Variants in CACNA1C observed in about 807,000 individuals in gnomAD.
The protein encoded by CACNA1C is voltage-dependent L-type calcium channel subunit alpha-1C.
A neutral mutation model predicts 229.0 loss-of-function variants in CACNA1C; 30 were observed. That is an observed-to-expected ratio of 0.13 (90% CI 0.10 to 0.18). CACNA1C has a LOEUF of 0.18. Ranked by LOEUF, CACNA1C falls within the 10% of genes least tolerant of loss-of-function variation. The pLI, the probability that CACNA1C is intolerant of heterozygous loss-of-function variation, is 1.00. For missense variants in CACNA1C, 1,658 were observed against 2,845.0 expected (o/e 0.58, Z 9.49); for synonymous variants, 1,114 against 1,132.5 (o/e 0.98, Z 0.33).
At chr12:2,621,822 G>C (rs1193076231) in intron 29 of CACNA1C, among the ~76,000 whole-genome samples, 1 of 152,192 alleles carries the variant, frequency 6.6e-6, no homozygotes, top group Non-Finnish European at 1.5e-5. Context: ...GAAGAAACCA[G>C]TTTAAAGTGA....
intron 1 of CACNA1C, among the ~76,000 whole-genome samples, chr12:2,074,830 T>G (rs2062614957): frequency 1.3e-5 from 2 of 152,236 alleles, no homozygotes; most frequent in African/African-American, 4.8e-5. Flanking sequence ...CTCCCCATCT[T>G]CTGGCACCTG....
intron 3 of CACNA1C, among the ~76,000 whole-genome samples, chr12:2,356,306 C>T (rs2097360815): frequency 1.3e-5 from 2 of 152,340 alleles, no homozygotes; most frequent in South Asian, 2.1e-4. Flanking sequence ...ACTCTCTGAC[C>T]TTCTTGTCTC....
intron 5 of CACNA1C, among the ~76,000 whole-genome samples, chr12:2,475,383 T>G (rs1265100110): frequency 6.6e-6 from 1 of 151,826 alleles, no homozygotes; most frequent in Non-Finnish European, 1.5e-5. Context: ...GTAACCTGAG[T>G]GAAAACGGGG....
intron 3 of CACNA1C, among the ~76,000 whole-genome samples, chr12:2,253,784 C>G (rs1400970765): frequency 6.6e-6 from 1 of 152,224 alleles, no homozygotes; most frequent in African/African-American, 2.4e-5. Flanking sequence ...TTCTGATGTC[C>G]AAAGTATGCC....
intron 1 of CACNA1C, among the ~76,000 whole-genome samples, chr12:2,001,244 T>A (rs537731423): frequency 9.2e-5 from 14 of 152,190 alleles, no homozygotes; most frequent in African/African-American, 3.4e-4. Context: ...CTGAGCAAAG[T>A]CCAGGGTTAG....
At position 2,135,945 on chromosome 12, in the gene CACNA1C, T is replaced by C. The variant is rs1171031304; in HGVS notation, c.477+15515T>C. Among the ~76,000 whole-genome samples, 34 of 149,598 alleles carry C rather than the reference T, an allele frequency of 2.3e-4. 1 individual carries two copies. The highest frequency in any genetic ancestry group is 3.4e-3 in the Middle Eastern group (1 of 294). Reference sequence around the variant, plus strand: ...GCAGTTTGATCTCAGACTGCTGTGCTAGCAATCAGCGAGACTCCGTGGGCG... The same window carrying C: ...GCAGTTTGATCTCAGACTGCTGTGCCAGCAATCAGCGAGACTCCGTGGGCG... On this transcript the variant is annotated intron_variant, in intron 3 of 46. Transcript: ENST00000399655.
intron 1 of CACNA1C, among the ~76,000 whole-genome samples, chr12:2,084,523 G>A (rs899615280): frequency 5.9e-5 from 9 of 152,032 alleles, no homozygotes; most frequent in African/African-American, 1.7e-4. Context: ...CTTTACCCAC[G>A]TTCTCCCGTG....
rs545277105 is a variant in CACNA1C at position 2,402,359 on chromosome 12, A to T, written c.478-46617A>T. On this transcript the variant is annotated intron_variant, in intron 3 of 46. Transcript: ENST00000399655. ...GACTCTGCTGGATAGTGCAATTGGA[A>T]GGGACACCTCCGTGTGCTTCCAGGG... Among the ~76,000 whole-genome samples the T allele has an allele frequency of 3.3e-5, 5 of 152,378 alleles. No individual in the cohort carries two copies. The South Asian group carries it at 1.0e-3, about 32-fold the overall frequency.
At chr12:1,980,801 T>C (rs957082299) in intron 1 of CACNA1C, among the ~76,000 whole-genome samples, 1 of 151,908 alleles carries the variant, frequency 6.6e-6, no homozygotes, top group Admixed American at 6.6e-5. Context: ...CACACGGCCA[T>C]GGTTTAACAG....
intron 3 of CACNA1C, among the ~76,000 whole-genome samples, chr12:2,365,316 T>C (rs2097693832): frequency 1.3e-5 from 2 of 152,234 alleles, no homozygotes; most frequent in Admixed American, 1.3e-4. Flanking sequence ...TTTAGGAACA[T>C]GGCAAATTAA....
intron 7 of CACNA1C, among the ~76,000 whole-genome samples, chr12:2,500,337 G>A (rs2099756571): frequency 6.6e-6 from 1 of 152,206 alleles, no homozygotes; most frequent in African/African-American, 2.4e-5. Flanking sequence ...CTCACCTTGT[G>A]TGTGGCGCAG....
At chr12:2,141,959 G>A (rs1470481110) in intron 3 of CACNA1C, among the ~76,000 whole-genome samples, 3 of 151,194 alleles carry the variant, frequency 2.0e-5, no homozygotes, top group Admixed American at 6.7e-5. Flanking sequence ...AAGGGATGAC[G>A]TGGGAAGGGT....
At chr12:2,579,656 C>T (rs2059826690) in intron 13 of CACNA1C, among the ~76,000 whole-genome samples, 1 of 152,172 alleles carries the variant, frequency 6.6e-6, no homozygotes, top group Non-Finnish European at 1.5e-5. Context: ...ACATAGCTCA[C>T]TGCAGCCTCA....
chr12:2,124,326 T>G (rs969780280), intron 3 of CACNA1C, among the ~76,000 whole-genome samples: 1 of 152,156 alleles, frequency 6.6e-6, no homozygotes, highest in African/African-American at 2.4e-5. Flanking sequence ...TCACATAGGT[T>G]GACATATTTG....
At chr12:2,341,604 G>A (rs954671661) in intron 3 of CACNA1C, among the ~76,000 whole-genome samples, 1 of 152,224 alleles carries the variant, frequency 6.6e-6, no homozygotes, top group Admixed American at 6.5e-5. Flanking sequence ...ACATGCCTTA[G>A]CAGATGTCTG....
intron 3 of CACNA1C, among the ~76,000 whole-genome samples, chr12:2,157,038 G>A (rs1169130538): frequency 6.6e-6 from 1 of 152,172 alleles, no homozygotes; most frequent in African/African-American, 2.4e-5. Context: ...ACCTCCAAAA[G>A]GCTTGGAAAT....
At chr12:2,150,168 C>T (rs374251583) in intron 3 of CACNA1C, among the ~76,000 whole-genome samples, 13 of 152,268 alleles carry the variant, frequency 8.5e-5, no homozygotes, top group South Asian at 2.1e-4. Flanking sequence ...GGAGCAGAGA[C>T]GCAGTTCCAG....
At chr12:2,417,955 C>A (rs1180569821) in intron 3 of CACNA1C, among the ~76,000 whole-genome samples, 1 of 152,112 alleles carries the variant, frequency 6.6e-6, no homozygotes, top group Non-Finnish European at 1.5e-5. Context: ...GGTACAGGTG[C>A]TGGGCTCAGC....
At position 2,608,497 on chromosome 12, in the gene CACNA1C, G is replaced by A; in HGVS notation, c.3357-14G>A. ...TTCTCCAGTTCCCTCTGTGGGACCT[G>A]TCTCCTCCTGCAGGCTGCTGTACCG... On this transcript the variant is annotated splice_polypyrimidine_tract_variant and intron_variant, in intron 26 of 46. Transcript: ENST00000399655. The surrounding 1 kb of genome is among the most constrained non-coding windows in gnomAD (Gnocchi z 4.2). 1 of 1,593,154 alleles carries A rather than the reference G, an allele frequency of 6.3e-7. No individual in the cohort carries two copies. The highest frequency in any genetic ancestry group is 8.6e-7 in the Non-Finnish European group (1 of 1,167,512).
Sources: allele counts gnomAD v4.1 joint callset (sites outside exome capture counted in the v4.1 genomes callset), GRCh38; gene constraint gnomAD v4.1.1; non-coding constraint Gnocchi (gnomAD v3.1); transcripts MANE v1.5; gene names NCBI Gene and HGNC (gene_info 2026-07-23, HGNC 2026-07-21).